Variants in CTNNA3 observed in about 807,000 individuals in gnomAD.
CTNNA3 encodes catenin alpha 3, also known as catenin alpha-3.
A neutral mutation model predicts 95.7 loss-of-function variants in CTNNA3; 76 were observed. The ratio of observed to expected loss-of-function variants is 0.79; its 90% CI spans 0.66 to 0.96. The LOEUF (loss-of-function observed/expected upper bound fraction) is 0.96. CTNNA3 is among the 40% of genes least tolerant of loss of function. The pLI is 0.00. For missense variants in CTNNA3, 1,191 were observed against 1,089.8 expected (o/e 1.09, Z -1.31); for synonymous variants, 431 against 374.4 (o/e 1.15, Z -1.74).
rs563304016 is a variant in CTNNA3 at position 67,071,507 on chromosome 10, T to G, written c.1047+108810A>C. Among the ~76,000 whole-genome samples, 519 of 110,460 alleles carry G rather than the reference T, an allele frequency of 4.7e-3. 2 individuals are homozygous for G. Among genetic ancestry groups the G allele is most frequent in the South Asian group, 8.4e-3 (32 of 3,818 alleles). The allele number at this position is 110,460 out of a possible 152,430, so 72.5% of individuals were successfully genotyped here. A position where few individuals can be genotyped will look rare whatever the true frequency, so the allele number is the denominator to read the frequency against. On this transcript the variant is annotated intron_variant, in intron 7 of 17. Transcript: ENST00000433211. ...TTGTACTTAGAGCTCTTTAAAGTTTTTTTTGTTTGTTTGTTTCTTTGACTT... is the reference window on the plus strand; with the variant it reads ...TTGTACTTAGAGCTCTTTAAAGTTTGTTTTGTTTGTTTGTTTCTTTGACTT...
chr10:66,933,542 G>T (rs1847525985), intron 7 of CTNNA3, among the ~76,000 whole-genome samples: 1 of 152,120 alleles, frequency 6.6e-6, no homozygotes, highest in Non-Finnish European at 1.5e-5. Flanking sequence ...TGAGCAAAAA[G>T]TAATTGCATA....
At chr10:66,545,418 T>G (rs1204973041) in intron 10 of CTNNA3, among the ~76,000 whole-genome samples, 1 of 152,112 alleles carries the variant, frequency 6.6e-6, no homozygotes, top group Non-Finnish European at 1.5e-5. Context: ...GTTGTTCCTT[T>G]TTTCATTATA....
At chr10:66,768,351 T>C (rs1393813011) in intron 8 of CTNNA3, among the ~76,000 whole-genome samples, 3 of 152,072 alleles carry the variant, frequency 2.0e-5, no homozygotes, top group Admixed American at 2.0e-4. Context: ...AGAGTGTGGA[T>C]GAGACCATAT....
intron 1 of CTNNA3, among the ~76,000 whole-genome samples, chr10:67,725,574 G>C (rs1163192004): frequency 6.6e-6 from 1 of 151,864 alleles, no homozygotes; most frequent in East Asian, 1.9e-4. Flanking sequence ...ACATATCAGA[G>C]TCCCCTACCT....
chr10:66,859,407 A>G (rs1268353420), intron 7 of CTNNA3, among the ~76,000 whole-genome samples: 1 of 151,708 alleles, frequency 6.6e-6, no homozygotes, highest in Non-Finnish European at 1.5e-5. Flanking sequence ...CAAAAAACAC[A>G]TGAAAAAATG....
At chr10:67,529,722 T>G (rs1168040616) in intron 4 of CTNNA3, among the ~76,000 whole-genome samples, 1 of 152,186 alleles carries the variant, frequency 6.6e-6, no homozygotes, top group Middle Eastern at 3.2e-3. Flanking sequence ...TCTTCTTCCC[T>G]AAAATTTCCA....
At chr10:66,518,488 T>C (rs1840941529) in intron 11 of CTNNA3, among the ~76,000 whole-genome samples, 1 of 152,082 alleles carries the variant, frequency 6.6e-6, no homozygotes, top group South Asian at 2.1e-4. Context: ...GCTTTTCCAA[T>C]ATAAGGTGTT....
chr10:67,406,727 A>T (rs1235589197), intron 5 of CTNNA3, among the ~76,000 whole-genome samples: 1 of 152,134 alleles, frequency 6.6e-6, no homozygotes, highest in Non-Finnish European at 1.5e-5. Context: ...ATCAGAAATG[A>T]CATGGAGGAT....
chr10:66,155,766 A>T (rs999326272), intron 13 of CTNNA3, among the ~76,000 whole-genome samples: 1 of 151,982 alleles, frequency 6.6e-6, no homozygotes, highest in African/African-American at 2.4e-5. Context: ...CAAACATTAG[A>T]GAACAATTCC....
intron 17 of CTNNA3, among the ~76,000 whole-genome samples, chr10:65,959,774 C>T (rs1261696894): frequency 1.3e-5 from 2 of 152,140 alleles, no homozygotes; most frequent in African/African-American, 2.4e-5. Flanking sequence ...CCTCAGCCTC[C>T]CCAAGTGCTG....
At chr10:66,763,331 C>CAGAG (rs1297169147) in intron 9 of CTNNA3, among the ~76,000 whole-genome samples, 150 of 64,362 alleles carry the variant, frequency 2.3e-3, no homozygotes, top group Middle Eastern at 8.9e-3. Context: ...CACACACACA[C>CAGAG]ACACACACAC....
chr10:66,379,304 T>C lies in CTNNA3; in HGVS notation c.1580A>G (p.Asp527Gly), dbSNP rs1388048882. The C allele has an allele frequency of 6.2e-7, 1 of 1,614,124 alleles. No homozygotes were observed. The highest frequency in any genetic ancestry group is 8.5e-7 in the Non-Finnish European group (1 of 1,179,986). Residue 527 changes from aspartate to glycine, a missense_variant, in exon 12 of 18, where the codon GAC (aspartate) becomes GGC (glycine). Physicochemically the swap from Asp to Gly is moderately conservative, Grantham distance 94. Coordinates refer to ENST00000433211, the MANE Select transcript of CTNNA3 (RefSeq NM_013266.4). The part of the protein sequence containing the change: ...DVNKCIIALR[D>G]QDADNLDRAA... ...ACGGTCTAAATTATCAGCATCCTGG[T>C]CTCTTAAGGCTATGATACACTTGTT...
chr10:66,241,473 C>G (rs964720177), intron 13 of CTNNA3, among the ~76,000 whole-genome samples: 39 of 152,098 alleles, frequency 2.6e-4, no homozygotes, highest in Non-Finnish European at 8.8e-5. Flanking sequence ...GGTCTTACAA[C>G]ATATCTTTGA....
chr10:66,748,830 G>C (rs1297511989), intron 9 of CTNNA3, among the ~76,000 whole-genome samples: 2 of 151,782 alleles, frequency 1.3e-5, no homozygotes, highest in African/African-American at 4.8e-5. Context: ...TGTTACAATC[G>C]ATGAACACTG....
chr10:67,370,187 G>C (rs539706772), intron 5 of CTNNA3, among the ~76,000 whole-genome samples: 4 of 152,096 alleles, frequency 2.6e-5, no homozygotes, highest in Admixed American at 1.3e-4. Flanking sequence ...CTATAAAGCT[G>C]TTACAAAAAA....
intron 7 of CTNNA3, among the ~76,000 whole-genome samples, chr10:67,157,564 G>A (rs1326727838): frequency 6.6e-6 from 1 of 152,156 alleles, no homozygotes; most frequent in Non-Finnish European, 1.5e-5. Context: ...CTTAGTAAAA[G>A]AGGAGGTTTG....
intron 11 of CTNNA3, among the ~76,000 whole-genome samples, chr10:66,416,393 T>A (rs1322803908): frequency 6.6e-6 from 1 of 151,936 alleles, no homozygotes; most frequent in African/African-American, 2.4e-5. Context: ...ATTTAATGAA[T>A]TAATAGAGGA....
intron 15 of CTNNA3, among the ~76,000 whole-genome samples, chr10:66,052,663 C>T (rs547134837): frequency 1.3e-3 from 196 of 152,100 alleles, no homozygotes; most frequent in South Asian, 3.5e-3. Context: ...TGGGTGAGTT[C>T]CACAATCTGA....
At position 66,424,526 on chromosome 10, in the gene CTNNA3, A is replaced by C. The variant is rs143624737; in HGVS notation, c.1532-45174T>G. The stretch of plus-strand genomic sequence containing the variant: ...CTCATTGTCTTGCAATATATTTCTA[A>C]TTTTTCATTATTTTTTCTTTTACAT... On this transcript the variant is annotated intron_variant, in intron 11 of 17. Transcript: ENST00000433211. 1.9e-4 allele frequency among the ~76,000 whole-genome samples: 29 copies of C among 151,972 alleles called. No individual in the cohort carries two copies. The East Asian group carries it at 5.4e-3, about 28-fold the overall frequency.
Sources: gnomAD v4.1 joint callset for allele counts (sites outside exome capture counted in the v4.1 genomes callset) on GRCh38, gnomAD v4.1.1 for gene constraint, MANE v1.5 for transcripts, NCBI Gene and HGNC (gene_info 2026-07-23, HGNC 2026-07-21) for gene names.